The following CCDC146 variants were observed in gnomAD, a reference collection of about 807,000 sequenced individuals.
CCDC146 encodes the protein coiled-coil domain containing 146.
CCDC146 carries 92 observed loss-of-function variants against 119.3 expected under a neutral mutation model. That is an observed-to-expected ratio of 0.77 (90% CI 0.65 to 0.92). The LOEUF (loss-of-function observed/expected upper bound fraction) is 0.92. Ranked by LOEUF, CCDC146 falls within the 40% of genes least tolerant of loss-of-function variation. The probability of loss-of-function intolerance (pLI) is 0.00; values close to 1 mark genes in which losing one functional copy is unlikely to be tolerated. For missense variants in CCDC146, 1,000 were observed against 1,103.0 expected (o/e 0.91, Z 1.32); for synonymous variants, 372 against 371.8 (o/e 1.00, Z -0.01).
intron 3 of CCDC146, among the ~76,000 whole-genome samples, chr7:77,237,521 G>A (rs1305738906): frequency 6.6e-6 from 1 of 152,214 alleles, no homozygotes; most frequent in African/African-American, 2.4e-5. Context: ...TAAAGCTGCA[G>A]GTGGGCAAAA....
At chr7:77,220,194 T>G (rs1007871734) in intron 2 of CCDC146, among the ~76,000 whole-genome samples, 7 of 152,204 alleles carry the variant, frequency 4.6e-5, no homozygotes, top group African/African-American at 1.7e-4. Context: ...CCCCCGGGAA[T>G]GCATTTATTT....
intron 2 of CCDC146, among the ~76,000 whole-genome samples, chr7:77,168,408 G>T (rs1791370762): frequency 6.6e-6 from 1 of 150,764 alleles, no homozygotes; most frequent in Non-Finnish European, 1.5e-5. Context: ...ACCTTGTCAT[G>T]CCTGAGAGCT....
intron 11 of CCDC146, 73 bp from the exon 12 acceptor site, chr7:77,278,679 A>G: frequency 9.7e-7 from 1 of 1,031,950 alleles, no homozygotes; most frequent in South Asian, 1.4e-5. Flanking sequence ...CTTTAATGGA[A>G]GGGAATGATG....
chr7:77,237,773 C>T (rs1238496038), intron 3 of CCDC146, among the ~76,000 whole-genome samples: 1 of 152,220 alleles, frequency 6.6e-6, no homozygotes, highest in South Asian at 2.1e-4. Context: ...TGCCTGAGCA[C>T]TGGCTATTAG....
At chr7:77,256,614 C>A in intron 6 of CCDC146, 105 bp downstream of exon 6, 1 of 868,538 alleles carries the variant, frequency 1.2e-6, no homozygotes, top group Non-Finnish European at 1.8e-6. Context: ...GGTATTGTCT[C>A]ACAAACTGAA....
At chr7:77,204,681 G>A (rs769085616) in intron 2 of CCDC146, among the ~76,000 whole-genome samples, 7 of 152,060 alleles carry the variant, frequency 4.6e-5, no homozygotes, top group African/African-American at 1.5e-4. Context: ...CAAGAGTCTC[G>A]GAAAGTTCAT....
intron 2 of CCDC146, among the ~76,000 whole-genome samples, chr7:77,197,567 A>G (rs1193180312): frequency 2.0e-5 from 3 of 152,246 alleles, no homozygotes; most frequent in Non-Finnish European, 4.4e-5. Flanking sequence ...CCTTGCATAC[A>G]GAGGAAGCAC....
At chr7:77,259,250 A>G (rs1182915191) in intron 7 of CCDC146, 182 bp downstream of exon 7, 1 of 519,342 alleles carries the variant, frequency 1.9e-6, no homozygotes, top group Non-Finnish European at 3.4e-6. Context: ...CCAAATTTCT[A>G]TCATTCATAG....
At chr7:77,168,632 G>T (rs144585468) in intron 2 of CCDC146, among the ~76,000 whole-genome samples, 1 of 152,048 alleles carries the variant, frequency 6.6e-6, no homozygotes, top group Non-Finnish European at 1.5e-5. Flanking sequence ...CTATATATGT[G>T]TATACAGGAT....
intron 4 of CCDC146, among the ~76,000 whole-genome samples, chr7:77,243,957 C>T (rs1439952580): frequency 2.0e-5 from 3 of 152,134 alleles, no homozygotes; most frequent in Non-Finnish European, 4.4e-5. Context: ...TGGCTCACTG[C>T]AACCTCCACT....
chr7:77,216,369 C>T (rs12704826), intron 2 of CCDC146, among the ~76,000 whole-genome samples: 16,085 of 152,160 alleles, frequency 0.11, 1,114 homozygotes, highest in Non-Finnish European at 0.16. Context: ...CTTCACACTG[C>T]CTCTATGCCA....
chr7:77,171,558 C>T (rs1292558698), intron 2 of CCDC146, among the ~76,000 whole-genome samples: 1 of 152,318 alleles, frequency 6.6e-6, no homozygotes, highest in African/African-American at 2.4e-5. Flanking sequence ...CATCAGTACC[C>T]CTAAGCTGTC....
intron 2 of CCDC146, chr7:77,199,440 A>G (rs1263581464): frequency 6.2e-7 from 1 of 1,614,110 alleles, no homozygotes; most frequent in Non-Finnish European, 8.5e-7. Context: ...GGGCTCCTGT[A>G]CTGGGTAACA....
intron 1 of CCDC146, among the ~76,000 whole-genome samples, chr7:77,141,920 T>G (rs1233721104): frequency 1.3e-5 from 2 of 152,234 alleles, no homozygotes; most frequent in East Asian, 1.9e-4. Flanking sequence ...TTAGTTTAAT[T>G]AGATCTCATT....
intron 2 of CCDC146, among the ~76,000 whole-genome samples, chr7:77,210,796 G>A (rs1164648178): frequency 6.6e-6 from 1 of 152,192 alleles, no homozygotes; most frequent in African/African-American, 2.4e-5. Context: ...AGAAGGCAAA[G>A]GGGAAGCCAG....
chr7:77,273,658 T>C (rs777983670), intron 9 of CCDC146, 36 bp from the exon 10 acceptor site: 1 of 1,496,748 alleles, frequency 6.7e-7, no homozygotes, highest in Non-Finnish European at 9.3e-7. Flanking sequence ...GATTTATTTC[T>C]TACATAAATG....
intron 2 of CCDC146, among the ~76,000 whole-genome samples, chr7:77,230,465 GAT>G (rs1280342106): frequency 6.6e-6 from 1 of 150,572 alleles, no homozygotes; most frequent in African/African-American, 2.5e-5. Flanking sequence ...AGATATTTTT[GAT>G]GGATATAGGA....
intron 2 of CCDC146, among the ~76,000 whole-genome samples, chr7:77,168,353 A>C (rs1791369758): frequency 6.6e-6 from 1 of 151,228 alleles, no homozygotes; most frequent in South Asian, 2.1e-4. Context: ...ATATGAGGAG[A>C]GTTTTTTTTT....
intron 15 of CCDC146, among the ~76,000 whole-genome samples, chr7:77,284,193 T>C (rs918340945): frequency 3.9e-5 from 6 of 152,210 alleles, no homozygotes; most frequent in African/African-American, 1.2e-4. Context: ...ATTAAAGATG[T>C]GGGGCAATGG....
Sources: gnomAD v4.1 joint callset for allele counts (sites outside exome capture counted in the v4.1 genomes callset) on GRCh38, gnomAD v4.1.1 for gene constraint, MANE v1.5 for transcripts, NCBI Gene and HGNC (gene_info 2026-07-23, HGNC 2026-07-21) for gene names.